ZNF365: variants seen among roughly 807,000 people sequenced by gnomAD.
ZNF365 encodes the protein protein ZNF365.
A neutral mutation model predicts 35.0 loss-of-function variants in ZNF365; 22 were observed. The observed-to-expected ratio is 0.63, with a 90% CI of 0.45 to 0.90. ZNF365 has a LOEUF of 0.90. ZNF365 is among the 40% of genes least tolerant of loss of function. ZNF365 has a pLI of 0.00. For synonymous variants in ZNF365, 188 were observed against 196.2 expected, an observed-to-expected ratio of 0.96 and a Z score of 0.35; for missense variants, 448 against 500.3, an observed-to-expected ratio of 0.90 and a Z score of 1.00.
In ZNF365 at chr10:62,412,438, G is replaced by A. The variant is rs191582710; in HGVS notation, c.924+23862G>A. 5.5e-3 allele frequency among the ~76,000 whole-genome samples: 832 copies of A among 152,214 alleles called. 7 individuals are homozygous for A. Among genetic ancestry groups the A allele is most frequent in the Non-Finnish European group, 7.4e-3 (500 of 68,024 alleles). On this transcript the variant is annotated intron_variant, in intron 3 of 4. Transcript: ENST00000395255. ...CATGGTATTGGAAGTTCTGGCCAGG[G>A]CAATCAGGCAAGAGAAAGAAATAAA...
At chr10:62,437,522 C>T (rs899629821) in intron 3 of ZNF365, among the ~76,000 whole-genome samples, 4 of 152,098 alleles carry the variant, frequency 2.6e-5, no homozygotes, top group Non-Finnish European at 4.4e-5. Flanking sequence ...ATTGTAATGA[C>T]GGAAGCAGAC....
chr10:62,426,606 C>A (rs1840253355), intron 3 of ZNF365, among the ~76,000 whole-genome samples: 1 of 152,046 alleles, frequency 6.6e-6, no homozygotes. Context: ...AGGTTCTGGT[C>A]AAGAGGTAGA....
intron 3 of ZNF365, among the ~76,000 whole-genome samples, chr10:62,398,210 A>C (rs187621278): frequency 5.3e-5 from 8 of 152,362 alleles, no homozygotes; most frequent in South Asian, 4.1e-4. Flanking sequence ...GTGCCCATCA[A>C]CCAACGAGTG....
chr10:62,394,001 C>T (rs1839680006), intron 3 of ZNF365, among the ~76,000 whole-genome samples: 1 of 152,182 alleles, frequency 6.6e-6, no homozygotes, highest in Admixed American at 6.5e-5. Context: ...TAGTCAGACA[C>T]ATTATGACAC....
chr10:62,421,459 G>GT (rs1840167020), intron 3 of ZNF365, among the ~76,000 whole-genome samples: 1 of 152,144 alleles, frequency 6.6e-6, no homozygotes, highest in South Asian at 2.1e-4. Flanking sequence ...ACTCAGTTAA[G>GT]CGGGTGGGCT....
intron 3 of ZNF365, among the ~76,000 whole-genome samples, chr10:62,389,431 A>G (rs1839586391): frequency 8.6e-6 from 1 of 116,780 alleles, no homozygotes; most frequent in Non-Finnish European, 2.0e-5. Flanking sequence ...AGATTTAAAA[A>G]TAGTTTTGTT....
intron 4 of ZNF365, among the ~76,000 whole-genome samples, chr10:62,477,990 A>C (rs1589477713): frequency 6.6e-6 from 1 of 152,230 alleles, no homozygotes; most frequent in East Asian, 1.9e-4. Context: ...TCAGCTATTC[A>C]CATCCTCCTT....
intron 4 of ZNF365, among the ~76,000 whole-genome samples, chr10:62,461,003 C>T (rs1840838430): frequency 6.6e-6 from 1 of 152,196 alleles, no homozygotes; most frequent in South Asian, 2.1e-4. Flanking sequence ...ACAATTCATG[C>T]TGTTGTCTGC....
At chr10:62,445,710 T>A (rs545843690) in intron 3 of ZNF365, among the ~76,000 whole-genome samples, 6 of 152,288 alleles carry the variant, frequency 3.9e-5, no homozygotes, top group African/African-American at 1.4e-4. Flanking sequence ...TTTCTCTACT[T>A]TTGTGTATGT....
At chr10:62,378,879 A>G (rs1228241506) in intron 2 of ZNF365, among the ~76,000 whole-genome samples, 2 of 152,220 alleles carry the variant, frequency 1.3e-5, no homozygotes, top group Non-Finnish European at 2.9e-5. Context: ...GTATGGATGC[A>G]TCATGATGCA....
chr10:62,397,285 T>A (rs76562767), intron 3 of ZNF365, among the ~76,000 whole-genome samples: 1 of 143,028 alleles, frequency 7.0e-6, no homozygotes, highest in Non-Finnish European at 1.5e-5. Flanking sequence ...TTTTTTTTTT[T>A]AAGGAACTTC....
chr10:62,475,621 C>T (rs1194260802), intron 4 of ZNF365, among the ~76,000 whole-genome samples: 1 of 152,160 alleles, frequency 6.6e-6, no homozygotes, highest in Non-Finnish European at 1.5e-5. Context: ...TTTTCTCAAG[C>T]TCACCAAGCT....
chr10:62,442,390 C>G (rs1296252160), intron 3 of ZNF365, among the ~76,000 whole-genome samples: 1 of 152,244 alleles, frequency 6.6e-6, no homozygotes, highest in East Asian at 1.9e-4. Context: ...AACTATAGAA[C>G]AGATGAGATG....
downstream of ZNF365, among the ~76,000 whole-genome samples, chr10:62,407,370 T>TGAGATATTCCTTC (rs1203662540): frequency 1.3e-5 from 2 of 152,198 alleles, no homozygotes; most frequent in African/African-American, 4.8e-5. Flanking sequence ...GCTTTTCCTT[T>TGAGATATTCCTTC]GAGATATTCC....
intron 1 of ZNF365, chr10:62,375,947 G>A: frequency 4.1e-6 from 2 of 486,770 alleles, no homozygotes; most frequent in Non-Finnish European, 3.7e-6. Context: ...ACTCACCACT[G>A]CCATTGTGGT....
At chr10:62,463,861 G>C (rs1298264855) in intron 4 of ZNF365, among the ~76,000 whole-genome samples, 1 of 152,140 alleles carries the variant, frequency 6.6e-6, no homozygotes, top group Non-Finnish European at 1.5e-5. Flanking sequence ...GCTTTTTCAA[G>C]GTTGCATCCA....
At chr10:62,440,615 T>C (rs1225831102) in intron 3 of ZNF365, among the ~76,000 whole-genome samples, 1 of 152,154 alleles carries the variant, frequency 6.6e-6, no homozygotes, top group Non-Finnish European at 1.5e-5. Context: ...AGATATGAGA[T>C]AGAGAATTGT....
intron 3 of ZNF365, among the ~76,000 whole-genome samples, chr10:62,393,452 A>G (rs554065416): frequency 1.3e-5 from 2 of 152,196 alleles, no homozygotes; most frequent in African/African-American, 2.4e-5. Flanking sequence ...TATAACAGCT[A>G]TGGTGTCACT....
exon 5 of ZNF365, chr10:62,479,974 A>G: frequency 6.3e-7 from 1 of 1,599,394 alleles, no homozygotes. Flanking sequence ...AGAAGCTTTC[A>G]TTCATTCAAC....
Sources: allele counts gnomAD v4.1 joint callset (sites outside exome capture counted in the v4.1 genomes callset), GRCh38; gene constraint gnomAD v4.1.1; transcripts MANE v1.5; gene names NCBI Gene and HGNC (gene_info 2026-07-23, HGNC 2026-07-21).